The following WDR41 variants were observed in gnomAD, a reference collection of about 807,000 sequenced individuals.
WDR41 encodes the protein WD repeat-containing protein 41.
WDR41 carries 63 observed loss-of-function variants against 69.3 expected under a neutral mutation model. That is an observed-to-expected ratio of 0.91 (90% CI 0.74 to 1.12). The LOEUF (loss-of-function observed/expected upper bound fraction) is 1.12. WDR41 is among the 50% of genes most tolerant of loss of function. The pLI is 0.00. For missense variants in WDR41, 543 were observed against 534.5 expected, an observed-to-expected ratio of 1.02 and a Z score of -0.16; for synonymous variants, 185 against 192.1, an observed-to-expected ratio of 0.96 and a Z score of 0.31.
At chr5:77,611,627 G>T (rs1303883634) in intron 1 of WDR41, among the ~76,000 whole-genome samples, 1 of 152,258 alleles carries the variant, frequency 6.6e-6, no homozygotes, top group Non-Finnish European at 1.5e-5. Context: ...GAATCTCTGG[G>T]ACACATTCAA....
intron 1 of WDR41, among the ~76,000 whole-genome samples, chr5:77,574,310 TAATA>T (rs568509707): frequency 2.0e-5 from 3 of 151,250 alleles, no homozygotes; most frequent in Admixed American, 6.6e-5. Context: ...AATAAATAAA[TAATA>T]AATAAATAAA....
chr5:77,566,464 A>C (rs1211563040), intron 1 of WDR41, among the ~76,000 whole-genome samples: 1 of 152,110 alleles, frequency 6.6e-6, no homozygotes, highest in Non-Finnish European at 1.5e-5. Flanking sequence ...AGGACAAAAA[A>C]AGATGCAAAT....
chr5:77,593,608 G>A (rs1744169918), intron 1 of WDR41, among the ~76,000 whole-genome samples: 2 of 152,088 alleles, frequency 1.3e-5, no homozygotes, highest in African/African-American at 4.8e-5. Flanking sequence ...ACTATTATCT[G>A]AGTCACAAAG....
chr5:77,511,506 C>T (rs1432393473), intron 1 of WDR41, among the ~76,000 whole-genome samples: 1 of 152,096 alleles, frequency 6.6e-6, no homozygotes, highest in African/African-American at 2.4e-5. Context: ...AGCTTCAGAC[C>T]CTTATTTAAT....
intron 1 of WDR41, among the ~76,000 whole-genome samples, chr5:77,574,443 A>C (rs545642573): frequency 6.6e-6 from 1 of 152,192 alleles, no homozygotes; most frequent in South Asian, 2.1e-4. Context: ...GTCAAGAGGG[A>C]GGAGGTCAGA....
intron 1 of WDR41, among the ~76,000 whole-genome samples, chr5:77,542,142 C>A (rs1210184790): frequency 6.6e-6 from 1 of 152,062 alleles, no homozygotes; most frequent in Non-Finnish European, 1.5e-5. Context: ...GAGCTGGAAG[C>A]CATTATCCTC....
chr5:77,573,973 T>C (rs1743778965), intron 1 of WDR41, among the ~76,000 whole-genome samples: 2 of 152,222 alleles, frequency 1.3e-5, no homozygotes, highest in South Asian at 2.1e-4. Flanking sequence ...CTGCCCCAGG[T>C]AAGAGACTTT....
At chr5:77,529,268 T>C (rs1326715763) in intron 1 of WDR41, among the ~76,000 whole-genome samples, 1 of 151,464 alleles carries the variant, frequency 6.6e-6, no homozygotes, top group African/African-American at 2.4e-5. Flanking sequence ...CACTTTAAGA[T>C]GCCATTTATA....
At chr5:77,438,858 C>T (rs1233944608) in intron 9 of WDR41, among the ~76,000 whole-genome samples, 1 of 152,136 alleles carries the variant, frequency 6.6e-6, no homozygotes, top group Non-Finnish European at 1.5e-5. Context: ...TCATGCAATC[C>T]TCTGAAGGTT....
intron 2 of WDR41, among the ~76,000 whole-genome samples, chr5:77,477,923 G>A (rs1293922191): frequency 1.2e-4 from 18 of 146,558 alleles, no homozygotes; most frequent in African/African-American, 3.3e-4. Flanking sequence ...TTGATAGACT[G>A]CTAGCAAGAC....
intron 1 of WDR41, among the ~76,000 whole-genome samples, chr5:77,532,280 A>G (rs1802538800): frequency 6.6e-6 from 1 of 152,068 alleles, no homozygotes; most frequent in Non-Finnish European, 1.5e-5. Context: ...ATGAAAGTTC[A>G]GGGGGAAAAA....
At chr5:77,616,625 C>T (rs1408713774) in intron 1 of WDR41, among the ~76,000 whole-genome samples, 3 of 152,164 alleles carry the variant, frequency 2.0e-5, no homozygotes, top group Non-Finnish European at 4.4e-5. Context: ...CATACACATA[C>T]ATTTACTTCA....
At chr5:77,551,547 G>C (rs959301529) in intron 1 of WDR41, among the ~76,000 whole-genome samples, 4 of 151,608 alleles carry the variant, frequency 2.6e-5, no homozygotes, top group African/African-American at 7.3e-5. Flanking sequence ...GTGTGGTGGT[G>C]CTCACCTGTA....
chr5:77,466,575 C>T (rs995272343), intron 2 of WDR41, among the ~76,000 whole-genome samples: 1 of 151,856 alleles, frequency 6.6e-6, no homozygotes, highest in African/African-American at 2.4e-5. Flanking sequence ...TCATGTTTGA[C>T]TTTCATGAGT....
intron 1 of WDR41, among the ~76,000 whole-genome samples, chr5:77,548,744 G>A (rs952517107): frequency 3.3e-5 from 5 of 152,156 alleles, no homozygotes; most frequent in Non-Finnish European, 7.3e-5. Context: ...ACTAAAAGTA[G>A]AACTACCATT....
intron 1 of WDR41, 56 bp downstream of exon 1, chr5:77,492,114 G>A (rs1297346047): frequency 2.5e-6 from 4 of 1,593,858 alleles, no homozygotes; most frequent in South Asian, 2.2e-5. Context: ...GAACCGGAAC[G>A]AAGCCGCCCC....
intron 4 of WDR41, 71 bp from the exon 5 acceptor site, chr5:77,459,195 AT>A: frequency 1.8e-6 from 2 of 1,117,380 alleles, no homozygotes; most frequent in South Asian, 2.8e-5. Context: ...CTAATTAACA[AT>A]TAAGCCACAA....
At chr5:77,551,056 GGA>G (rs1334606224) in intron 1 of WDR41, among the ~76,000 whole-genome samples, 1 of 152,202 alleles carries the variant, frequency 6.6e-6, no homozygotes, top group Non-Finnish European at 1.5e-5. Flanking sequence ...CCTAGAGGAA[GGA>G]GAGAGAGAGG....
intron 1 of WDR41, among the ~76,000 whole-genome samples, chr5:77,591,434 T>C (rs1744135474): frequency 1.3e-5 from 2 of 152,126 alleles, no homozygotes; most frequent in Admixed American, 1.3e-4. Context: ...ATTTCTCTTC[T>C]TCCATTTCAG....
Sources: allele counts gnomAD v4.1 joint callset (sites outside exome capture counted in the v4.1 genomes callset), GRCh38; gene constraint gnomAD v4.1.1; transcripts MANE v1.5; gene names NCBI Gene and HGNC (gene_info 2026-07-23, HGNC 2026-07-21).